KIF13A: variants seen among roughly 807,000 people sequenced by gnomAD.
KIF13A encodes the protein kinesin family member 13A.
Under a neutral mutation model 212.2 loss-of-function variants are expected in KIF13A, and 79 were observed. The ratio of observed to expected loss-of-function variants is 0.37; its 90% CI spans 0.31 to 0.45. The LOEUF (loss-of-function observed/expected upper bound fraction) is 0.45. Ranked by LOEUF, KIF13A falls within the 20% of genes least tolerant of loss-of-function variation. KIF13A has a pLI of 1.00. For synonymous variants in KIF13A, 789 were observed against 808.6 expected, an observed-to-expected ratio of 0.98 and a Z score of 0.41; for missense variants, 1,901 against 2,209.0, an observed-to-expected ratio of 0.86 and a Z score of 2.79.
At chr6:17,932,786 G>A (rs1002321447) in intron 2 of KIF13A, among the ~76,000 whole-genome samples, 11 of 144,412 alleles carry the variant, frequency 7.6e-5, no homozygotes. Flanking sequence ...CGAGGAGGAA[G>A]TCTGTGAGAA....
chr6:17,772,058 A>T lies in KIF13A; in HGVS notation c.4326T>A (p.Gly1442=). Residue 1442 remains glycine, a splice_region_variant and synonymous_variant, in exon 37 of 39, where the codon GGT becomes GGA. Transcript: ENST00000259711. This position sits in a 1 kb window ranked among gnomAD's most constrained non-coding sequence, Gnocchi z 4.8. ...AGGCATGAGGAGTCTCTGATGTACAACCTAGGGAAGATGAGAAGTTATGAG... is the reference window on the plus strand; with the variant it reads ...AGGCATGAGGAGTCTCTGATGTACATCCTAGGGAAGATGAGAAGTTATGAG... ...PRDSPRRNKE[G]CTSETPHALT... 2.5e-6 allele frequency: 4 copies of T among 1,613,776 alleles called. No homozygotes were observed. Among genetic ancestry groups the T allele is most frequent in the African/African-American group, 1.3e-5 (1 of 75,030 alleles).
chr6:17,890,790 C>CTAATAATAATAATAATAA (rs71536760), intron 3 of KIF13A, among the ~76,000 whole-genome samples: 1,494 of 139,108 alleles, frequency 0.011, 16 homozygotes, highest in African/African-American at 0.018. Flanking sequence ...CTATGCCCAG[C>CTAATAATAATAATAATAA]TAATAATAAT....
In KIF13A at chr6:17,776,954, G is replaced by A. The variant is rs1205990542; in HGVS notation, c.4170+323C>T. On this transcript the variant is annotated intron_variant, in intron 34 of 38. Transcript: ENST00000259711. The surrounding 1 kb of genome is among the most constrained non-coding windows in gnomAD (Gnocchi z 4.6). ...AGAATGGGCACAAAAACTGACCCTG[G>A]AGCAGCCAGCGTCCAGGGACTCGGG... 6.6e-6 allele frequency among the ~76,000 whole-genome samples: 1 copy of A among 152,176 alleles called. No homozygotes were observed. Among genetic ancestry groups the A allele is most frequent in the Non-Finnish European group, 1.5e-5 (1 of 68,038 alleles).
At chr6:17,759,433 A>C, downstream of KIF13A, 1 of 152,194 alleles carries the variant, frequency 6.6e-6, no homozygotes, top group East Asian at 1.9e-4. Context: ...GCAGCTTTTC[A>C]TTAAGGTTTC....
chr6:17,828,406 T>C lies in KIF13A; in HGVS notation c.1402-36A>G, dbSNP rs759661569. The C allele has an allele frequency of 1.3e-6, 2 of 1,586,950 alleles. No individual in the cohort carries two copies. Among genetic ancestry groups the C allele is most frequent in the Non-Finnish European group, 1.7e-6 (2 of 1,165,834 alleles). Reference sequence around the variant, plus strand: ...ATTATTAAGGAAAGAAAAACCCACATTTATGAGTAACTCAGCAAAAATGTA... The same window carrying C: ...ATTATTAAGGAAAGAAAAACCCACACTTATGAGTAACTCAGCAAAAATGTA... On this transcript the variant is annotated intron_variant, in intron 13 of 38. Transcript: ENST00000259711. The surrounding 1 kb of genome is among the most constrained non-coding windows in gnomAD (Gnocchi z 4.3).
rs751558956 is a variant in KIF13A, at chr6:17,764,725, G to C, written c.4803C>G (p.Ser1601=). The change falls in exon 39 of 39, where the codon TCC becomes TCG. Residue 1601 remains serine (S), a synonymous_variant. Coordinates refer to ENST00000259711, the MANE Select transcript of KIF13A (RefSeq NM_022113.6). The surrounding 1 kb of genome is among the most constrained non-coding windows in gnomAD (Gnocchi z 5.1). The part of the protein sequence containing the change: ...TTSSITSGYF[S]HSASNATLSD... ...ACAGGGTGGCATTGGAGGCACTGTG[G>C]GAAAAGTAGCCACTGGTAATACTGC... 8.7e-6 allele frequency: 14 copies of C among 1,613,024 alleles called. No homozygotes were observed. The highest frequency in any genetic ancestry group is 5.0e-5 in the Admixed American group (3 of 59,826).
intron 34 of KIF13A, 126 bp from the exon 35 acceptor site, chr6:17,775,188 CCTCTCCAGGAGTAGTGACTA>C: frequency 1.4e-6 from 1 of 700,012 alleles, no homozygotes; most frequent in South Asian, 2.0e-5. Context: ...CTCTTTCTTC[CCTCTCCAGGAGTAGTGACTA>C]CTCTCAATTT....
Position 17,825,763 on chromosome 6 carries a change from C to G in KIF13A, c.1786+5G>C. 1 of 1,612,510 alleles carries G rather than the reference C, an allele frequency of 6.2e-7. No homozygotes were observed. The highest frequency in any genetic ancestry group is 8.5e-7 in the Non-Finnish European group (1 of 1,179,274). ...AGGCGCTGGAACACAGAGTGAGGGTCTTACCATTACTATTCAGGGTTTTCA... is the reference window on the plus strand; with the variant it reads ...AGGCGCTGGAACACAGAGTGAGGGTGTTACCATTACTATTCAGGGTTTTCA... On this transcript the variant is annotated splice_donor_5th_base_variant and intron_variant, in intron 16 of 38. Coordinates refer to ENST00000259711, the MANE Select transcript of KIF13A (RefSeq NM_022113.6). This position sits in a 1 kb window ranked among gnomAD's most constrained non-coding sequence, Gnocchi z 4.5.
chr6:17,788,800 C>A (rs1293549969), intron 26 of KIF13A, among the ~76,000 whole-genome samples: 1 of 152,180 alleles, frequency 6.6e-6, no homozygotes. Flanking sequence ...TCTCGGCTCA[C>A]TGCAACCTCT....
intron 9 of KIF13A, among the ~76,000 whole-genome samples, chr6:17,846,463 G>A (rs949508390): frequency 3.9e-4 from 60 of 152,036 alleles, no homozygotes; most frequent in African/African-American, 1.4e-3. Flanking sequence ...ATTTGTGAAA[G>A]AGACAGTATG....
At chr6:17,977,588 G>C (rs1446497569) in intron 2 of KIF13A, among the ~76,000 whole-genome samples, 6 of 152,222 alleles carry the variant, frequency 3.9e-5, no homozygotes, top group Non-Finnish European at 7.3e-5. Context: ...ATAACGAAAT[G>C]TAAGTGGGAG....
intron 2 of KIF13A, among the ~76,000 whole-genome samples, chr6:17,953,017 G>C (rs1216615993): frequency 2.0e-5 from 3 of 152,004 alleles, no homozygotes; most frequent in Non-Finnish European, 4.4e-5. Context: ...GTTAACAGGG[G>C]TATAACAGGA....
chr6:17,887,209 TC>T (rs1316542131), intron 3 of KIF13A, among the ~76,000 whole-genome samples: 1 of 152,154 alleles, frequency 6.6e-6, no homozygotes, highest in Non-Finnish European at 1.5e-5. Context: ...TATTAGCAAG[TC>T]CCAGATAGGG....
rs1198006247 is a variant in KIF13A, at chr6:17,773,357, C to T, written c.4324+121G>A. The T allele has an allele frequency of 1.5e-5, 8 of 545,586 alleles. No individual in the cohort carries two copies. Among genetic ancestry groups the T allele is most frequent in the Admixed American group, 3.2e-5 (1 of 31,626 alleles). The allele number at this position is 545,586 out of a possible 1,614,324, so 33.8% of individuals were successfully genotyped here. ...GTTACATTCAATAACAGTTTTGTAT[C>T]ATCTAGTTAACTAGAATATCAGCTT... On this transcript the variant is annotated intron_variant, in intron 36 of 38. Coordinates refer to ENST00000259711, the MANE Select transcript of KIF13A (RefSeq NM_022113.6). This position sits in a 1 kb window ranked among gnomAD's most constrained non-coding sequence, Gnocchi z 4.2.
chr6:17,935,370 C>T (rs1776367120), intron 2 of KIF13A, among the ~76,000 whole-genome samples: 1 of 152,086 alleles, frequency 6.6e-6, no homozygotes, highest in African/African-American at 2.4e-5. Context: ...GCTCAGCAGG[C>T]AGCTGGGTCC....
At position 17,963,659 on chromosome 6, in the gene KIF13A, C is replaced by A. The variant is rs576790762; in HGVS notation, c.146+23395G>T. Among the ~76,000 whole-genome samples the A allele has an allele frequency of 6.6e-6, 1 of 152,154 alleles. No homozygotes were observed. Among genetic ancestry groups the A allele is most frequent in the African/African-American group, 2.4e-5 (1 of 41,444 alleles). ...GCAACCTCCGCCTCCTGGGTTCCAA[C>A]GATTCCCCTGCCTCAGGCTCCCAAG... On this transcript the variant is annotated intron_variant, in intron 2 of 38. Transcript: ENST00000259711. This position sits in a 1 kb window ranked among gnomAD's most constrained non-coding sequence, Gnocchi z 4.1.
At chr6:17,950,665 T>G (rs1281315952) in intron 2 of KIF13A, 1 of 985,018 alleles carries the variant, frequency 1.0e-6, no homozygotes, top group Non-Finnish European at 1.2e-6. Flanking sequence ...GAATTCAACT[T>G]TATGTGTCTA....
intron 7 of KIF13A, among the ~76,000 whole-genome samples, chr6:17,851,746 C>T (rs544416488): frequency 9.2e-5 from 14 of 152,316 alleles, no homozygotes; most frequent in African/African-American, 3.4e-4. Flanking sequence ...GGCCTCCCGG[C>T]CATACTGTAA....
intron 2 of KIF13A, among the ~76,000 whole-genome samples, chr6:17,901,989 T>G (rs1176308414): frequency 6.6e-6 from 1 of 152,176 alleles, no homozygotes; most frequent in African/African-American, 2.4e-5. Context: ...AGAGCAAGAC[T>G]CAATCTCAAA....
Sources: gnomAD v4.1 joint callset for allele counts (sites outside exome capture counted in the v4.1 genomes callset) on GRCh38, gnomAD v4.1.1 for gene constraint, Gnocchi (gnomAD v3.1) non-coding constraint, MANE v1.5 for transcripts, NCBI Gene and HGNC (gene_info 2026-07-23, HGNC 2026-07-21) for gene names.